Variants in CCDC85A observed in about 807,000 individuals in gnomAD.
The protein encoded by CCDC85A is coiled-coil domain-containing protein 85A.
CCDC85A carries 38 observed loss-of-function variants against 50.2 expected under a neutral mutation model. That is an observed-to-expected ratio of 0.76 (90% CI 0.58 to 0.99). The LOEUF (loss-of-function observed/expected upper bound fraction) is 0.99. Among genes scored for constraint, CCDC85A ranks in the 50% least tolerant of loss-of-function variants. The pLI is 0.00. For missense variants in CCDC85A, 820 were observed against 742.0 expected (o/e 1.11, Z -1.22); for synonymous variants, 366 against 301.4 (o/e 1.21, Z -2.22).
intron 2 of CCDC85A, among the ~76,000 whole-genome samples, chr2:56,208,511 A>G (rs537805703): frequency 6.6e-6 from 1 of 152,104 alleles, no homozygotes; most frequent in African/African-American, 2.4e-5. Context: ...CATCTCCTGG[A>G]ATCCTGTGTT....
chr2:56,201,082 A>T (rs201613200), intron 2 of CCDC85A, among the ~76,000 whole-genome samples: 1 of 8,498 alleles, frequency 1.2e-4, no homozygotes, highest in Non-Finnish European at 3.1e-4. Flanking sequence ...CTCTCCACAC[A>T]CACACACACA....
At chr2:56,384,127 A>T (rs868363403) in intron 5 of CCDC85A, 139 bp from the exon 6 acceptor site, 2 of 705,454 alleles carry the variant, frequency 2.8e-6, no homozygotes, top group South Asian at 3.7e-5. Flanking sequence ...TTTATTTTGT[A>T]TTTGAACTCA....
chr2:56,241,972 CA>C, intron 2 of CCDC85A, among the ~76,000 whole-genome samples: 1 of 152,090 alleles, frequency 6.6e-6, no homozygotes. Flanking sequence ...CCTTTTTCTC[CA>C]CATACTTGCC....
Position 56,192,245 on chromosome 2 carries a change from A to G in CCDC85A, c.277-232A>G, listed in dbSNP as rs1046327174. Among the ~76,000 whole-genome samples, 6 of 151,820 alleles carry G rather than the reference A, an allele frequency of 4.0e-5. No individual in the cohort carries two copies. The highest frequency in any genetic ancestry group is 1.5e-4 in the African/African-American group (6 of 41,240). On this transcript the variant is annotated intron_variant, in intron 1 of 5. Transcript: ENST00000407595. This position sits in a 1 kb window ranked among gnomAD's most constrained non-coding sequence, Gnocchi z 4.7. ...ATTATTATCCCCTAAATGTTTGGGT[A>G]AAAATTAGATGACATAATGCAAGTA...
intron 2 of CCDC85A, among the ~76,000 whole-genome samples, chr2:56,200,807 T>C (rs917889574): frequency 6.6e-6 from 1 of 152,202 alleles, no homozygotes; most frequent in Non-Finnish European, 1.5e-5. Context: ...ATGTGTATTA[T>C]GGAATTTTTG....
At chr2:56,239,384 T>G (rs1431705711) in intron 2 of CCDC85A, among the ~76,000 whole-genome samples, 1 of 152,066 alleles carries the variant, frequency 6.6e-6, no homozygotes, top group Non-Finnish European at 1.5e-5. Context: ...GACTAAAGCC[T>G]TGTGTTTGCT....
Position 56,192,214 on chromosome 2 carries a change from A to G in CCDC85A, c.277-263A>G, listed in dbSNP as rs148720640. ...TTAAGTTAGTTTAATTTTTATGGCCATACTAATTATTATCCCCTAAATGTT... is the reference window on the plus strand; with the variant it reads ...TTAAGTTAGTTTAATTTTTATGGCCGTACTAATTATTATCCCCTAAATGTT... On this transcript the variant is annotated intron_variant, in intron 1 of 5. Transcript: ENST00000407595. This position sits in a 1 kb window ranked among gnomAD's most constrained non-coding sequence, Gnocchi z 4.7. Among the ~76,000 whole-genome samples the G allele has an allele frequency of 1.2e-3, 189 of 152,328 alleles. No individual in the cohort carries two copies. Among genetic ancestry groups the G allele is most frequent in the Non-Finnish European group, 2.0e-3 (134 of 68,040 alleles).
chr2:56,285,496 A>ACT (rs1671399616), intron 2 of CCDC85A, among the ~76,000 whole-genome samples: 1 of 134,614 alleles, frequency 7.4e-6, no homozygotes, highest in African/African-American at 3.2e-5. Context: ...TTACATTAAT[A>ACT]ATATTATTAT....
intron 2 of CCDC85A, among the ~76,000 whole-genome samples, chr2:56,313,127 T>C (rs1410110380): frequency 6.6e-6 from 1 of 152,168 alleles, no homozygotes; most frequent in Non-Finnish European, 1.5e-5. Context: ...AATTATATTG[T>C]CCTGAACATT....
At chr2:56,305,102 C>CAAAA (rs545097233) in intron 2 of CCDC85A, among the ~76,000 whole-genome samples, 84 of 113,448 alleles carry the variant, frequency 7.4e-4, no homozygotes, top group African/African-American at 2.3e-3. Flanking sequence ...GACTCTGCCT[C>CAAAA]AAAAAAAAAA....
At chr2:56,361,259 G>GAA (rs5831407) in intron 3 of CCDC85A, among the ~76,000 whole-genome samples, 15,465 of 147,132 alleles carry the variant, frequency 0.11, 862 homozygotes, top group Middle Eastern at 0.13. Context: ...GTCTCAAAAA[G>GAA]AAAAAAAAAA....
At chr2:56,296,540 C>G (rs1439752296) in intron 2 of CCDC85A, among the ~76,000 whole-genome samples, 1 of 152,082 alleles carries the variant, frequency 6.6e-6, no homozygotes. Context: ...TGTGTTTTTC[C>G]TTTCTAGAGT....
chr2:56,191,439 G>A (rs1438625856), intron 1 of CCDC85A, among the ~76,000 whole-genome samples: 1 of 152,150 alleles, frequency 6.6e-6, no homozygotes, highest in East Asian at 1.9e-4. Context: ...AGGAGAAGTA[G>A]GCAGAATCAA....
intron 2 of CCDC85A, among the ~76,000 whole-genome samples, chr2:56,220,695 G>A (rs137923234): frequency 6.6e-6 from 1 of 152,160 alleles, no homozygotes; most frequent in African/African-American, 2.4e-5. Context: ...CATCAGAAAT[G>A]TCAGTGTGCT....
chr2:56,201,317 G>T (rs1310878542), intron 2 of CCDC85A, among the ~76,000 whole-genome samples: 1 of 152,064 alleles, frequency 6.6e-6, no homozygotes, highest in Non-Finnish European at 1.5e-5. Context: ...TTGCCTGCTG[G>T]TATGGTTGAG....
chr2:56,291,097 C>G (rs1414806231), intron 2 of CCDC85A, among the ~76,000 whole-genome samples: 2 of 152,146 alleles, frequency 1.3e-5, no homozygotes, highest in African/African-American at 2.4e-5. Flanking sequence ...AATTGTGAAA[C>G]TTCGGTTTTT....
intron 2 of CCDC85A, among the ~76,000 whole-genome samples, chr2:56,316,579 G>A (rs545460778): frequency 5.3e-5 from 8 of 152,080 alleles, no homozygotes; most frequent in African/African-American, 1.9e-4. Flanking sequence ...CTTAGTACTC[G>A]AAAAAACTCA....
At chr2:56,381,706 A>G (rs781654776) in intron 5 of CCDC85A, among the ~76,000 whole-genome samples, 7 of 152,094 alleles carry the variant, frequency 4.6e-5, no homozygotes, top group Non-Finnish European at 1.0e-4. Context: ...ATGGTTCTTA[A>G]TGCCAGAATT....
chr2:56,309,068 T>C (rs920821031), intron 2 of CCDC85A, among the ~76,000 whole-genome samples: 12 of 152,214 alleles, frequency 7.9e-5, no homozygotes, highest in Non-Finnish European at 1.6e-4. Flanking sequence ...AGTACCATTA[T>C]TAATACGATA....
Sources: allele counts gnomAD v4.1 joint callset (sites outside exome capture counted in the v4.1 genomes callset), GRCh38; gene constraint gnomAD v4.1.1; non-coding constraint Gnocchi (gnomAD v3.1); transcripts MANE v1.5; gene names NCBI Gene and HGNC (gene_info 2026-07-23, HGNC 2026-07-21).